Variants in KIF16B observed in about 807,000 individuals in gnomAD.
The protein encoded by KIF16B is kinesin family member 16B.
Under a neutral mutation model 156.3 loss-of-function variants are expected in KIF16B, and 98 were observed. The observed-to-expected ratio is 0.63, with a 90% CI of 0.53 to 0.74. The LOEUF (loss-of-function observed/expected upper bound fraction) is 0.74. Among genes scored for constraint, KIF16B ranks in the 30% least tolerant of loss-of-function variants. KIF16B has a pLI of 0.00. For synonymous variants in KIF16B, 564 were observed against 583.7 expected (o/e 0.97, Z 0.49); for missense variants, 1,421 against 1,606.5 (o/e 0.88, Z 1.97).
intron 12 of KIF16B, among the ~76,000 whole-genome samples, chr20:16,468,406 T>C (rs1170370055): frequency 1.3e-5 from 2 of 151,728 alleles, no homozygotes; most frequent in African/African-American, 4.8e-5. Flanking sequence ...ACTCCGTCTC[T>C]ATCACAAATA....
chr20:16,547,821 T>C (rs1291043135), intron 1 of KIF16B, among the ~76,000 whole-genome samples: 1 of 152,216 alleles, frequency 6.6e-6, no homozygotes, highest in African/African-American at 2.4e-5. Flanking sequence ...CACGGCATGC[T>C]GCATCTGGTG....
intron 25 of KIF16B, among the ~76,000 whole-genome samples, chr20:16,275,114 C>T (rs952777604): frequency 1.4e-5 from 2 of 147,870 alleles, no homozygotes; most frequent in Admixed American, 6.8e-5. Flanking sequence ...AGTGCAGTGG[C>T]GCGATCTCAG....
intron 12 of KIF16B, among the ~76,000 whole-genome samples, chr20:16,490,736 T>G (rs1224633732): frequency 6.6e-6 from 1 of 152,102 alleles, no homozygotes; most frequent in East Asian, 1.9e-4. Flanking sequence ...CCTCCAGAAT[T>G]GTGAGCAAAT....
intron 1 of KIF16B, among the ~76,000 whole-genome samples, chr20:16,549,025 TG>T (rs1282062660): frequency 5.6e-4 from 73 of 129,314 alleles, no homozygotes; most frequent in African/African-American, 1.8e-3. Context: ...TTTTTTTTTA[TG>T]TTTTTTTTTC....
Position 16,374,253 on chromosome 20 carries a change from G to A in KIF16B, c.3350+4C>T. The A allele has an allele frequency of 6.4e-7, 1 of 1,560,058 alleles. No homozygotes were observed. Among genetic ancestry groups the A allele is most frequent in the Non-Finnish European group, 8.7e-7 (1 of 1,150,174 alleles). On this transcript the variant is annotated splice_donor_region_variant and intron_variant, in intron 20 of 25. Transcript: ENST00000354981. The stretch of plus-strand genomic sequence containing the variant: ...AAGCCTGGAATCACTTTCATGTCCA[G>A]TACCTGGCATCCATGAGGGGAACCA...
rs766644377 is a variant in KIF16B at position 16,400,900 on chromosome 20, C to T, written c.1784+3913G>A. On this transcript the variant is annotated intron_variant, in intron 17 of 25. Coordinates refer to ENST00000354981, the MANE Select transcript of KIF16B (RefSeq NM_024704.5). The stretch of plus-strand genomic sequence containing the variant: ...AGTACAGAGTTTTAGTTTGGCAAGA[C>T]GAAACTGGTTGCACAGTAATGTCAA... 1.3e-3 allele frequency among the ~76,000 whole-genome samples: 199 copies of T among 152,056 alleles called. 1 individual carries two copies. Among genetic ancestry groups the T allele is most frequent in the Non-Finnish European group, 1.6e-3 (111 of 68,018 alleles).
Position 16,400,102 on chromosome 20 carries a change from AG to A in KIF16B, c.1784+4710del, listed in dbSNP as rs1407891063. On this transcript the variant is annotated intron_variant, in intron 17 of 25. Transcript: ENST00000354981. ...GTTTTGAGAAACATGCAAATGAGCTAGTTGAACTGAACTTGGCAGAACATGA... is the reference window on the plus strand; with the variant it reads ...GTTTTGAGAAACATGCAAATGAGCTATTGAACTGAACTTGGCAGAACATGA... Among the ~76,000 whole-genome samples the A allele has an allele frequency of 2.6e-5, 4 of 152,246 alleles. No individual in the cohort carries two copies. The East Asian group carries it at 7.7e-4, about 29-fold the overall frequency.
chr20:16,403,254 A>G (rs2065700350), intron 17 of KIF16B, among the ~76,000 whole-genome samples: 1 of 152,208 alleles, frequency 6.6e-6, no homozygotes, highest in Non-Finnish European at 1.5e-5. Flanking sequence ...GGATGGGATC[A>G]CACTATTTTA....
intron 25 of KIF16B, among the ~76,000 whole-genome samples, chr20:16,303,465 G>A (rs1344605207): frequency 6.6e-6 from 1 of 152,226 alleles, no homozygotes; most frequent in African/African-American, 2.4e-5. Flanking sequence ...ATGATGCTCA[G>A]AGGGGTTAAA....
intron 25 of KIF16B, among the ~76,000 whole-genome samples, chr20:16,280,008 C>CAA (rs2063122526): frequency 6.6e-6 from 1 of 152,190 alleles, no homozygotes; most frequent in Non-Finnish European, 1.5e-5. Context: ...TTTGCTGCTA[C>CAA]ATGCTATTCC....
chr20:16,416,387 T>C lies in KIF16B; in HGVS notation c.1613-9931A>G, dbSNP rs544761446. On this transcript the variant is annotated intron_variant, in intron 15 of 25. Transcript: ENST00000354981. The stretch of plus-strand genomic sequence containing the variant: ...AATCCATCTTGAGTTAATTTTTGTA[T>C]AAGGTGTAAGGAAGGGGTCCAGTTT... Among the ~76,000 whole-genome samples the C allele has an allele frequency of 2.0e-5, 3 of 152,290 alleles. No individual in the cohort carries two copies. The East Asian group carries it at 5.8e-4, about 29-fold the overall frequency.
intron 22 of KIF16B, among the ~76,000 whole-genome samples, chr20:16,359,606 C>T (rs566837629): frequency 8.7e-5 from 13 of 149,424 alleles, no homozygotes; most frequent in Admixed American, 8.7e-4. Flanking sequence ...TAAAACCAAT[C>T]CCTAATAAAA....
intron 17 of KIF16B, among the ~76,000 whole-genome samples, chr20:16,402,175 G>A (rs2065672882): frequency 6.6e-6 from 1 of 151,982 alleles, no homozygotes; most frequent in South Asian, 2.1e-4. Flanking sequence ...CCCCCTTTCT[G>A]TTTTATGAGT....
rs1446890495 is a variant in KIF16B at position 16,565,327 on chromosome 20, C to T, written c.47+7902G>A. ...CCCATAGAGCCGTGACATCATCACACACCATGTAGTTTCTGGAAAATTTGA... is the reference window on the plus strand; with the variant it reads ...CCCATAGAGCCGTGACATCATCACATACCATGTAGTTTCTGGAAAATTTGA... On this transcript the variant is annotated intron_variant, in intron 1 of 25. Transcript: ENST00000354981. Among the ~76,000 whole-genome samples, 4 of 152,156 alleles carry T rather than the reference C, an allele frequency of 2.6e-5. No homozygotes were observed. The South Asian group carries it at 8.3e-4, about 32-fold the overall frequency.
intron 23 of KIF16B, among the ~76,000 whole-genome samples, chr20:16,337,528 C>T (rs1319522208): frequency 6.6e-6 from 1 of 152,186 alleles, no homozygotes; most frequent in African/African-American, 2.4e-5. Context: ...TTGAAAAAGA[C>T]ATTTCCATAA....
In KIF16B at chr20:16,505,868, A is replaced by G. The variant is rs201919456; in HGVS notation, c.869-15T>C. 3 of 1,612,974 alleles carry G rather than the reference A, an allele frequency of 1.9e-6. No individual in the cohort carries two copies. In the East Asian group the frequency reaches 6.7e-5, roughly 36 times the overall value. ...AGATAAATCAGCTATGAAAAGGAAGAAACAAAGGGGAGAAAGGACAATTAG... is the reference window on the plus strand; with the variant it reads ...AGATAAATCAGCTATGAAAAGGAAGGAACAAAGGGGAGAAAGGACAATTAG... On this transcript the variant is annotated splice_polypyrimidine_tract_variant and intron_variant, in intron 8 of 25. Coordinates refer to ENST00000354981, the MANE Select transcript of KIF16B (RefSeq NM_024704.5).
At chr20:16,539,534 T>C (rs1296807800) in intron 1 of KIF16B, among the ~76,000 whole-genome samples, 2 of 152,090 alleles carry the variant, frequency 1.3e-5, no homozygotes, top group African/African-American at 2.4e-5. Flanking sequence ...ATCTGGCTGT[T>C]CAAAAGTGTA....
At chr20:16,341,069 T>TTC (rs1366709099) in intron 23 of KIF16B, among the ~76,000 whole-genome samples, 3 of 152,152 alleles carry the variant, frequency 2.0e-5, no homozygotes, top group African/African-American at 7.2e-5. Flanking sequence ...ATTGTGTGTG[T>TTC]GTGGAGCTGG....
At chr20:16,555,018 C>T (rs2070796281) in intron 1 of KIF16B, among the ~76,000 whole-genome samples, 2 of 152,236 alleles carry the variant, frequency 1.3e-5, no homozygotes, top group Admixed American at 6.5e-5. Flanking sequence ...AGGCTGGTAG[C>T]ACAAGCTGAG....
Sources: allele counts gnomAD v4.1 joint callset (sites outside exome capture counted in the v4.1 genomes callset), GRCh38; gene constraint gnomAD v4.1.1; transcripts MANE v1.5; gene names NCBI Gene and HGNC (gene_info 2026-07-23, HGNC 2026-07-21).